Variants in STX18 observed in about 807,000 individuals in gnomAD.
The protein encoded by STX18 is syntaxin-18.
In STX18, 40 loss-of-function variants were observed where a neutral mutation model predicts 50.1. That is an observed-to-expected ratio of 0.80 (90% CI 0.62 to 1.04). The LOEUF (loss-of-function observed/expected upper bound fraction) is 1.04, where lower values mean the gene tolerates loss of function less well. STX18 is among the 50% of genes least tolerant of loss of function. The pLI, the probability that STX18 is intolerant of heterozygous loss-of-function variation, is 0.00. For synonymous variants in STX18, 158 were observed against 151.8 expected (o/e 1.04, Z -0.30); for missense variants, 410 against 415.8 (o/e 0.99, Z 0.12).
At chr4:4,512,336 T>G (rs1156474227) in intron 1 of STX18, among the ~76,000 whole-genome samples, 1 of 148,008 alleles carries the variant, frequency 6.8e-6, no homozygotes, top group Non-Finnish European at 1.5e-5. Flanking sequence ...TAATTCCAAT[T>G]AAAAAAAAAA....
intron 2 of STX18, among the ~76,000 whole-genome samples, chr4:4,469,254 A>T (rs1727787668): frequency 6.6e-6 from 1 of 152,224 alleles, no homozygotes. Context: ...TGGTCTGAGA[A>T]CTAAGAATGG....
At chr4:4,459,274 AT>A in intron 3 of STX18, 97 bp downstream of exon 3, 1 of 843,790 alleles carries the variant, frequency 1.2e-6, no homozygotes, top group South Asian at 1.6e-5. Context: ...CTAAATCGAA[AT>A]AAGAAGAGGG....
At chr4:4,457,070 G>C (rs1006794008) in intron 5 of STX18, 121 bp downstream of exon 5, 1 of 897,384 alleles carries the variant, frequency 1.1e-6, no homozygotes, top group Non-Finnish European at 1.7e-6. Flanking sequence ...CGCCAGCTAT[G>C]GCATTTTGCG....
chr4:4,530,762 C>T (rs1335954025), intron 1 of STX18, among the ~76,000 whole-genome samples: 4 of 151,922 alleles, frequency 2.6e-5, no homozygotes, highest in South Asian at 2.1e-4. Context: ...TGTGCCAAAG[C>T]GGCAGGCTAA....
intron 1 of STX18, among the ~76,000 whole-genome samples, chr4:4,492,659 T>C (rs1230226557): frequency 6.6e-6 from 1 of 152,188 alleles, no homozygotes; most frequent in Admixed American, 6.5e-5. Flanking sequence ...TGACTATCAC[T>C]TTCTATTTCA....
In STX18 at chr4:4,464,804, C is replaced by CT. The variant is rs199809921; in HGVS notation, c.237-5318dup. On this transcript the variant is annotated intron_variant, in intron 2 of 10. Transcript: ENST00000306200. ...TTATTTAAATCTTCTCTCTTTTCTT[C>CT]TTTATTAGTCTAGCTAACAGTCTAT... Among the ~76,000 whole-genome samples the CT allele has an allele frequency of 6.6e-3, 934 of 141,898 alleles. 13 individuals carry two copies. The highest frequency in any genetic ancestry group is 0.027 in the African/African-American group (897 of 33,282). 93.1% of individuals were successfully genotyped at this position (141,898 alleles called of 152,430 possible).
chr4:4,529,019 C>G (rs1047571127), intron 1 of STX18, among the ~76,000 whole-genome samples: 1 of 152,208 alleles, frequency 6.6e-6, no homozygotes, highest in Non-Finnish European at 1.5e-5. Context: ...ACTAAAACCA[C>G]AAATCCTTTT....
At chr4:4,464,857 T>G (rs1276453100) in intron 2 of STX18, among the ~76,000 whole-genome samples, 1 of 151,988 alleles carries the variant, frequency 6.6e-6, no homozygotes, top group Non-Finnish European at 1.5e-5. Flanking sequence ...AAAACCTGGA[T>G]TTTTCCAAAA....
At position 4,459,378 on chromosome 4, in the gene STX18, T is replaced by A; in HGVS notation, c.346A>T (p.Thr116Ser). 1 of 1,613,128 alleles carries A rather than the reference T, an allele frequency of 6.2e-7. No homozygotes were observed. Among genetic ancestry groups the A allele is most frequent in the Non-Finnish European group, 8.5e-7 (1 of 1,179,148 alleles). Residue 116 changes from threonine to serine, a missense_variant, in exon 3 of 11, where the codon ACA becomes TCA. Physicochemically the swap from Thr to Ser is moderately conservative, Grantham distance 58. Transcript: ENST00000306200. ...ATCTTTCAGAGCACTTTACCTTCTG[T>A]TCGTAGTTGCTGAATTGCTTCTGAA... ...TCSEAIQQLR[T>S]EAHKEIHSQQ...
intron 1 of STX18, among the ~76,000 whole-genome samples, chr4:4,509,959 A>G (rs539784500): frequency 1.3e-5 from 2 of 152,314 alleles, no homozygotes; most frequent in South Asian, 4.1e-4. Flanking sequence ...CTGACTGTCT[A>G]TTAGATACTC....
In STX18 at chr4:4,475,029, C is replaced by A. The variant is rs1728107157; in HGVS notation, c.169-3323G>T. Among the ~76,000 whole-genome samples the A allele has an allele frequency of 2.0e-5, 3 of 152,156 alleles. No individual in the cohort carries two copies. The South Asian group carries it at 6.2e-4, about 31-fold the overall frequency. On this transcript the variant is annotated intron_variant, in intron 1 of 10. Transcript: ENST00000306200. The stretch of plus-strand genomic sequence containing the variant: ...TTTCCATACAAAGTTTTGAAAAGTG[C>A]AGAGGAATCTACTGTACAGGTTAGA...
At chr4:4,468,422 A>G (rs1213306332) in intron 2 of STX18, among the ~76,000 whole-genome samples, 1 of 152,120 alleles carries the variant, frequency 6.6e-6, no homozygotes, top group Non-Finnish European at 1.5e-5. Flanking sequence ...CAACCCGGCC[A>G]TTGCTGACAT....
intron 5 of STX18, among the ~76,000 whole-genome samples, chr4:4,448,424 C>A (rs1028561997): frequency 1.3e-5 from 2 of 152,146 alleles, no homozygotes; most frequent in Admixed American, 1.3e-4. Flanking sequence ...TCACCACAAC[C>A]TCTACCTTCC....
intron 5 of STX18, among the ~76,000 whole-genome samples, chr4:4,448,129 C>T (rs1350219161): frequency 1.4e-4 from 22 of 152,160 alleles, no homozygotes; most frequent in Non-Finnish European, 2.6e-4. Context: ...CCACACTGCA[C>T]ACCAGACTGA....
intron 1 of STX18, chr4:4,499,660 AG>A (rs1485219848): frequency 1.3e-5 from 5 of 384,366 alleles, no homozygotes; most frequent in South Asian, 1.1e-4. Context: ...AGGTGAGAAC[AG>A]GAACTGTCAA....
At chr4:4,470,260 G>C (rs1164718452) in intron 2 of STX18, among the ~76,000 whole-genome samples, 1 of 152,040 alleles carries the variant, frequency 6.6e-6, no homozygotes, top group Non-Finnish European at 1.5e-5. Flanking sequence ...GAGTTGTCCT[G>C]AGTTGTGCAC....
At chr4:4,428,797 A>G (rs1405784422) in intron 7 of STX18, among the ~76,000 whole-genome samples, 1 of 152,198 alleles carries the variant, frequency 6.6e-6, no homozygotes, top group Non-Finnish European at 1.5e-5. Flanking sequence ...CTGGTCTCCA[A>G]GGTCAGCACG....
chr4:4,425,398 C>A lies in STX18; in HGVS notation c.703-176G>T, dbSNP rs139600551. On this transcript the variant is annotated intron_variant, in intron 7 of 10. Transcript: ENST00000306200. ...TTAGTGTGAACAACGTCCCTGCTTT[C>A]AGGAGAAAGTTTTAAAAAACAGCTG... 3.9e-4 allele frequency: 243 copies of A among 621,448 alleles called. 1 individual carries two copies. The East Asian group carries it at 5.9e-3, about 15-fold the overall frequency. The allele number at this position is 621,448 out of a possible 1,614,324, so 38.5% of individuals were successfully genotyped here.
At chr4:4,431,063 G>A (rs1366771281) in intron 7 of STX18, among the ~76,000 whole-genome samples, 1 of 152,040 alleles carries the variant, frequency 6.6e-6, no homozygotes, top group Admixed American at 6.6e-5. Flanking sequence ...AGCTGTAAAG[G>A]TTAACATGCT....
Sources: gnomAD v4.1 joint callset for allele counts (sites outside exome capture counted in the v4.1 genomes callset) on GRCh38, gnomAD v4.1.1 for gene constraint, MANE v1.5 for transcripts, NCBI Gene and HGNC (gene_info 2026-07-23, HGNC 2026-07-21) for gene names.